The following AFF3 variants were observed in gnomAD, a reference collection of about 807,000 sequenced individuals.
AFF3 encodes ALF transcription elongation factor 3, also known as AF4/FMR2 family member 3.
Under a neutral mutation model 129.7 loss-of-function variants are expected in AFF3, and 32 were observed. The observed-to-expected ratio is 0.25, with a 90% CI of 0.19 to 0.33. The LOEUF (loss-of-function observed/expected upper bound fraction) is 0.33, where lower values mean the gene tolerates loss of function less well. Among genes scored for constraint, AFF3 ranks in the 10% least tolerant of loss-of-function variants. The probability of loss-of-function intolerance (pLI) is 1.00; values close to 1 mark genes in which losing one functional copy is unlikely to be tolerated. For synonymous variants in AFF3, 644 were observed against 635.4 expected, an observed-to-expected ratio of 1.01 and a Z score of -0.20; for missense variants, 1,373 against 1,592.0, an observed-to-expected ratio of 0.86 and a Z score of 2.34.
chr2:99,777,962 A>C (rs1307289209), intron 8 of AFF3, among the ~76,000 whole-genome samples: 11 of 151,858 alleles, frequency 7.2e-5, no homozygotes, highest in Non-Finnish European at 1.0e-4. Context: ...AAAAAAAAAA[A>C]AAAAAAAAAC....
At chr2:99,709,615 C>T (rs893857591) in intron 11 of AFF3, among the ~76,000 whole-genome samples, 6 of 152,124 alleles carry the variant, frequency 3.9e-5, no homozygotes, top group Non-Finnish European at 8.8e-5. Flanking sequence ...AAAGAAACTT[C>T]TCTTTATTTT....
At chr2:99,584,114 T>G (rs1677853109) in intron 16 of AFF3, among the ~76,000 whole-genome samples, 1 of 152,234 alleles carries the variant, frequency 6.6e-6, no homozygotes, top group African/African-American at 2.4e-5. Flanking sequence ...AAGCCAATTC[T>G]TAATATCTGA....
chr2:100,046,650 TAGTC>T (rs1219383157), intron 4 of AFF3, among the ~76,000 whole-genome samples: 7 of 152,210 alleles, frequency 4.6e-5, no homozygotes, highest in Non-Finnish European at 7.3e-5. Context: ...TGACCAATGT[TAGTC>T]AGATCAAGAT....
chr2:99,925,080 G>A (rs898685698), intron 7 of AFF3, among the ~76,000 whole-genome samples: 1 of 151,880 alleles, frequency 6.6e-6, no homozygotes, highest in Non-Finnish European at 1.5e-5. Flanking sequence ...GTCTTACTAT[G>A]TTGCCTAGGA....
chr2:99,985,053 A>T (rs972086536), intron 7 of AFF3, among the ~76,000 whole-genome samples: 2 of 152,240 alleles, frequency 1.3e-5, no homozygotes, highest in Non-Finnish European at 2.9e-5. Context: ...AATTAAGAAC[A>T]GATTTCATCA....
At chr2:99,680,617 G>A (rs1674434256) in intron 11 of AFF3, among the ~76,000 whole-genome samples, 1 of 152,152 alleles carries the variant, frequency 6.6e-6, no homozygotes, top group South Asian at 2.1e-4. Context: ...CAGTAAATAA[G>A]TAAGTTAGCT....
At chr2:99,668,905 G>A (rs1035231502) in intron 12 of AFF3, among the ~76,000 whole-genome samples, 3 of 152,112 alleles carry the variant, frequency 2.0e-5, no homozygotes, top group Non-Finnish European at 2.9e-5. Flanking sequence ...GAAAAGGGCA[G>A]GGGACCCTTC....
At chr2:99,706,168 A>G (rs1445375266) in intron 11 of AFF3, among the ~76,000 whole-genome samples, 13 of 152,178 alleles carry the variant, frequency 8.5e-5, no homozygotes. Context: ...ATCATAAGGC[A>G]GGTATTGGTA....
chr2:99,766,857 T>C (rs1683065849), intron 8 of AFF3, among the ~76,000 whole-genome samples: 1 of 152,216 alleles, frequency 6.6e-6, no homozygotes, highest in African/African-American at 2.4e-5. Context: ...CTGAACTCAC[T>C]TGCTAAATGT....
intron 7 of AFF3, among the ~76,000 whole-genome samples, chr2:99,852,521 A>G (rs1384317063): frequency 6.6e-6 from 1 of 152,202 alleles, no homozygotes; most frequent in Non-Finnish European, 1.5e-5. Context: ...CTAGAAAGTC[A>G]CTGATTAATA....
At chr2:100,122,720 A>G (rs2105561694) in intron 2 of AFF3, among the ~76,000 whole-genome samples, 1 of 152,356 alleles carries the variant, frequency 6.6e-6, no homozygotes, top group African/African-American at 2.4e-5. Flanking sequence ...GTTTCTCAAA[A>G]TGTGAGTTTT....
intron 7 of AFF3, among the ~76,000 whole-genome samples, chr2:99,874,848 T>A (rs1209258101): frequency 3.3e-5 from 5 of 152,160 alleles, no homozygotes; most frequent in Non-Finnish European, 5.9e-5. Context: ...ATTGAAATAT[T>A]TAGCAGTAAA....
chr2:99,582,061 G>A (rs1297867191), intron 17 of AFF3, among the ~76,000 whole-genome samples: 1 of 151,868 alleles, frequency 6.6e-6, no homozygotes, highest in Non-Finnish European at 1.5e-5. Flanking sequence ...CACCATGTTG[G>A]CCAGGCTGGT....
At chr2:100,092,737 C>G (rs937231534) in intron 4 of AFF3, among the ~76,000 whole-genome samples, 4 of 151,878 alleles carry the variant, frequency 2.6e-5, no homozygotes, top group East Asian at 1.9e-4. Flanking sequence ...ATCCCTACCC[C>G]GCTCCCAGCC....
chr2:99,816,015 T>C (rs1687202250), intron 8 of AFF3, among the ~76,000 whole-genome samples: 1 of 152,044 alleles, frequency 6.6e-6, no homozygotes, highest in South Asian at 2.1e-4. Flanking sequence ...TTTGATATTA[T>C]CCAATAGGTC....
intron 12 of AFF3, among the ~76,000 whole-genome samples, chr2:99,669,922 C>A (rs563047168): frequency 6.6e-6 from 1 of 152,196 alleles, no homozygotes; most frequent in Non-Finnish European, 1.5e-5. Context: ...TGCACTCCAG[C>A]CTGGGCGACA....
In AFF3 at chr2:99,592,932, TCCC is replaced by T. The variant is rs1553394536; in HGVS notation, c.2466+260_2466+262del. Among the ~76,000 whole-genome samples the T allele has an allele frequency of 5.0e-3, 256 of 51,580 alleles. 6 individuals are homozygous for T. Among genetic ancestry groups the T allele is most frequent in the Non-Finnish European group, 6.7e-3 (167 of 25,056 alleles). 33.8% of individuals were successfully genotyped at this position (51,580 alleles called of 152,430 possible). A position where few individuals can be genotyped will look rare whatever the true frequency, so the allele number is the denominator to read the frequency against. On this transcript the variant is annotated intron_variant, in intron 15 of 24. Transcript: ENST00000672756. Reference sequence around the variant, plus strand: ...GCTTGGGCGACAGAGTGAGACTCCCTCCCCCCCCCCCAAAAAAAGGGATAATAA... The same window carrying T: ...GCTTGGGCGACAGAGTGAGACTCCCTCCCCCCCCAAAAAAAGGGATAATAA...
At chr2:99,964,505 C>T (rs1049534821) in intron 7 of AFF3, among the ~76,000 whole-genome samples, 2 of 152,088 alleles carry the variant, frequency 1.3e-5, no homozygotes, top group African/African-American at 4.8e-5. Context: ...TTTCTAAATA[C>T]TGAATGGTTC....
At position 100,124,551 on chromosome 2, in the gene AFF3, G is replaced by A. The variant is rs184492308; in HGVS notation, c.-145+4673C>T. ...AACAAGACTGAGATAGGAAGTTGTG[G>A]GCTCCAGCAAATTGTGGTTCCAATC... On this transcript the variant is annotated intron_variant, in intron 2 of 24. Coordinates refer to ENST00000672756, the MANE Select transcript of AFF3 (RefSeq NM_001386135.1). Among the ~76,000 whole-genome samples the A allele has an allele frequency of 7.2e-5, 11 of 152,130 alleles. No individual in the cohort carries two copies. The East Asian group carries it at 1.7e-3, about 24-fold the overall frequency.
Sources: allele counts gnomAD v4.1 joint callset (sites outside exome capture counted in the v4.1 genomes callset), GRCh38; gene constraint gnomAD v4.1.1; transcripts MANE v1.5; gene names NCBI Gene and HGNC (gene_info 2026-07-23, HGNC 2026-07-21).